The following NSMCE2 variants were observed in gnomAD, a reference collection of about 807,000 sequenced individuals.
The protein encoded by NSMCE2 is E3 SUMO-protein ligase NSE2.
In NSMCE2, 24 loss-of-function variants were observed where a neutral mutation model predicts 23.8. The observed-to-expected ratio is 1.01, with a 90% confidence interval of 0.73 to 1.42. NSMCE2 has a LOEUF of 1.42. NSMCE2 is among the 40% of genes most tolerant of loss of function. The probability of loss-of-function intolerance (pLI) is 0.00; values close to 1 mark genes in which losing one functional copy is unlikely to be tolerated. For missense variants in NSMCE2, 284 were observed against 296.5 expected (o/e 0.96, Z 0.31); for synonymous variants, 92 against 94.1 (o/e 0.98, Z 0.13).
chr8:125,337,018 GCTT>G (rs1292319003), intron 5 of NSMCE2, among the ~76,000 whole-genome samples: 3 of 152,154 alleles, frequency 2.0e-5, no homozygotes, highest in African/African-American at 7.2e-5. Context: ...AGTGACATAG[GCTT>G]CTTATTGTTT....
intron 5 of NSMCE2, among the ~76,000 whole-genome samples, chr8:125,184,365 A>T (rs1252489215): frequency 1.3e-5 from 2 of 152,156 alleles, no homozygotes; most frequent in Non-Finnish European, 2.9e-5. Flanking sequence ...ATCTCTCTAA[A>T]ATGGAGTTGG....
chr8:125,352,716 T>G (rs1813090849), intron 5 of NSMCE2, among the ~76,000 whole-genome samples: 1 of 152,210 alleles, frequency 6.6e-6, no homozygotes, highest in African/African-American at 2.4e-5. Flanking sequence ...ATGATCAATA[T>G]TTTCTCTCCC....
chr8:125,173,270 C>T (rs758788552), intron 4 of NSMCE2, among the ~76,000 whole-genome samples: 1 of 152,148 alleles, frequency 6.6e-6, no homozygotes, highest in Non-Finnish European at 1.5e-5. Context: ...GTTAAACCAG[C>T]AGAACCAGAG....
At chr8:125,159,082 T>A (rs531592784) in intron 4 of NSMCE2, among the ~76,000 whole-genome samples, 1 of 152,370 alleles carries the variant, frequency 6.6e-6, no homozygotes, top group African/African-American at 2.4e-5. Flanking sequence ...CTTGCTGCTC[T>A]GTCCTGTCTT....
intron 5 of NSMCE2, among the ~76,000 whole-genome samples, chr8:125,295,146 C>G (rs1462525554): frequency 6.6e-6 from 1 of 152,160 alleles, no homozygotes; most frequent in Non-Finnish European, 1.5e-5. Context: ...CTCTGTATCC[C>G]TTGTTTCCAG....
intron 4 of NSMCE2, among the ~76,000 whole-genome samples, chr8:125,165,941 A>G (rs1821853130): frequency 2.6e-5 from 4 of 152,198 alleles, no homozygotes; most frequent in African/African-American, 7.2e-5. Context: ...AGGCTGCTAG[A>G]TGGGAGTGAA....
intron 4 of NSMCE2, among the ~76,000 whole-genome samples, chr8:125,167,309 G>C: frequency 6.6e-6 from 1 of 152,188 alleles, no homozygotes; most frequent in East Asian, 1.9e-4. Context: ...ATGTAAAACA[G>C]AATAAGCAGT....
rs34345598 is a variant in NSMCE2 at position 125,330,177 on chromosome 8, C to CTTTTTTTTTTTTTTTTTTT, written c.419-27039_419-27038insTTTTTTTTTTTTTTTTTTT. Among the ~76,000 whole-genome samples the CTTTTTTTTTTTTTTTTTTT allele has an allele frequency of 2.5e-5, 3 of 119,122 alleles. 1 individual carries two copies. Among genetic ancestry groups the CTTTTTTTTTTTTTTTTTTT allele is most frequent in the Non-Finnish European group, 4.9e-5 (3 of 61,536 alleles). 78.1% of individuals were successfully genotyped at this position (119,122 alleles called of 152,430 possible). On this transcript the variant is annotated intron_variant, in intron 5 of 7. Transcript: ENST00000287437. ...AAACAGAACTAACTTTTTCTTTTTT[C>CTTTTTTTTTTTTTTTTTTT]TTTCTTTTTTTTTTTTTTTGAGACA... is the stretch of plus-strand genomic sequence containing the variant.
At chr8:125,341,522 C>G (rs1389749462) in intron 5 of NSMCE2, among the ~76,000 whole-genome samples, 2 of 152,138 alleles carry the variant, frequency 1.3e-5, no homozygotes, top group African/African-American at 4.8e-5. Context: ...CTTTCAGGAA[C>G]TATTTCCAGA....
At chr8:125,206,379 T>A (rs1165773225) in intron 5 of NSMCE2, among the ~76,000 whole-genome samples, 1 of 152,210 alleles carries the variant, frequency 6.6e-6, no homozygotes, top group Non-Finnish European at 1.5e-5. Flanking sequence ...CTGAGACATC[T>A]GATTAGATTT....
intron 5 of NSMCE2, among the ~76,000 whole-genome samples, chr8:125,304,621 C>T (rs1329957391): frequency 6.6e-6 from 1 of 152,062 alleles, no homozygotes. Context: ...CTTTGGGAGG[C>T]TGAGGCAGGC....
chr8:125,362,046 C>T (rs1813580111), intron 7 of NSMCE2, among the ~76,000 whole-genome samples: 1 of 152,208 alleles, frequency 6.6e-6, no homozygotes, highest in African/African-American at 2.4e-5. Context: ...TGTGTTTGCC[C>T]TGTGCTGCAG....
At chr8:125,241,128 AT>A (rs1825750397) in intron 5 of NSMCE2, among the ~76,000 whole-genome samples, 1 of 152,188 alleles carries the variant, frequency 6.6e-6, no homozygotes, top group Non-Finnish European at 1.5e-5. Context: ...TCCAATGAGC[AT>A]TTCCTTTGAG....
chr8:125,272,014 CTTT>C (rs563967898), intron 5 of NSMCE2, among the ~76,000 whole-genome samples: 3 of 130,184 alleles, frequency 2.3e-5, no homozygotes, highest in Admixed American at 8.2e-5. Context: ...CAGTTTCTTT[CTTT>C]TTTTTTTTTT....
At chr8:125,268,570 A>G (rs1827040817) in intron 5 of NSMCE2, among the ~76,000 whole-genome samples, 1 of 152,228 alleles carries the variant, frequency 6.6e-6, no homozygotes. Flanking sequence ...GTTGTTGGGG[A>G]TGCAGACCTG....
At chr8:125,315,393 C>T (rs969499147) in intron 5 of NSMCE2, among the ~76,000 whole-genome samples, 1 of 152,150 alleles carries the variant, frequency 6.6e-6, no homozygotes, top group South Asian at 2.1e-4. Flanking sequence ...CAGTGAGGGG[C>T]TGAGTTTTGA....
chr8:125,273,760 C>G (rs1311935376), intron 5 of NSMCE2, among the ~76,000 whole-genome samples: 1 of 152,194 alleles, frequency 6.6e-6, no homozygotes. Context: ...AATTATGGCC[C>G]TGTTCCTCAC....
At chr8:125,124,016 A>G (rs890195621) in intron 3 of NSMCE2, 3 of 152,244 alleles carry the variant, frequency 2.0e-5, no homozygotes, top group African/African-American at 4.8e-5. Flanking sequence ...CTTCAAAAAA[A>G]GAAACCCTGT....
At chr8:125,260,916 G>T (rs943908189) in intron 5 of NSMCE2, among the ~76,000 whole-genome samples, 1 of 152,010 alleles carries the variant, frequency 6.6e-6, no homozygotes, top group Admixed American at 6.6e-5. Context: ...GAGCCATCAT[G>T]CCTGGCCAAA....
Sources: gnomAD v4.1 joint callset for allele counts (sites outside exome capture counted in the v4.1 genomes callset) on GRCh38, gnomAD v4.1.1 for gene constraint, MANE v1.5 for transcripts, NCBI Gene and HGNC (gene_info 2026-07-23, HGNC 2026-07-21) for gene names.